The following ITGBL1 variants were observed in gnomAD, a reference collection of about 807,000 sequenced individuals.
ITGBL1 encodes the protein integrin beta-like protein 1.
A neutral mutation model predicts 68.5 loss-of-function variants in ITGBL1; 51 were observed. The ratio of observed to expected loss-of-function variants is 0.74; its 90% CI spans 0.59 to 0.94. The LOEUF is 0.94. ITGBL1 is among the 40% of genes least tolerant of loss of function. ITGBL1 has a pLI of 0.00. For missense variants in ITGBL1, 649 were observed against 647.4 expected, an observed-to-expected ratio of 1.00 and a Z score of -0.03; for synonymous variants, 209 against 227.3, an observed-to-expected ratio of 0.92 and a Z score of 0.72.
intron 7 of ITGBL1, among the ~76,000 whole-genome samples, chr13:101,687,618 T>C (rs963699192): frequency 7.9e-5 from 12 of 152,174 alleles, no homozygotes; most frequent in Admixed American, 6.5e-5. Flanking sequence ...ATAATGAGCT[T>C]TAAAATATAA....
chr13:101,689,767 A>T (rs1232698182), intron 7 of ITGBL1, among the ~76,000 whole-genome samples: 2 of 152,208 alleles, frequency 1.3e-5, no homozygotes, highest in Non-Finnish European at 2.9e-5. Context: ...GGGAGACATG[A>T]GATGTTTTGA....
At chr13:101,492,940 C>T (rs1373725908) in intron 2 of ITGBL1, among the ~76,000 whole-genome samples, 1 of 152,172 alleles carries the variant, frequency 6.6e-6, no homozygotes, top group Non-Finnish European at 1.5e-5. Context: ...CTTCAGGCTG[C>T]CTAAGGATAA....
At chr13:101,637,584 T>C (rs1272531680) in intron 7 of ITGBL1, among the ~76,000 whole-genome samples, 2 of 152,182 alleles carry the variant, frequency 1.3e-5, no homozygotes, top group East Asian at 1.9e-4. Flanking sequence ...ATCTCCTGAT[T>C]CACCCGCCTT....
chr13:101,571,520 T>G (rs758547984), intron 3 of ITGBL1, among the ~76,000 whole-genome samples: 1 of 152,134 alleles, frequency 6.6e-6, no homozygotes, highest in Non-Finnish European at 1.5e-5. Context: ...TATTTTATAA[T>G]GTATAGTACA....
chr13:101,581,357 ATAAAG>A (rs1256387494), intron 5 of ITGBL1, among the ~76,000 whole-genome samples: 4 of 152,268 alleles, frequency 2.6e-5, no homozygotes, highest in Admixed American at 6.5e-5. Context: ...AATCTAGATA[ATAAAG>A]TAGAGTACAC....
chr13:101,575,402 CT>C, intron 3 of ITGBL1, 21 bp from the exon 4 acceptor site: 3 of 1,605,264 alleles, frequency 1.9e-6, no homozygotes, highest in African/African-American at 2.7e-5. Context: ...AACAAACAGT[CT>C]TTTTTGTTTT....
intron 2 of ITGBL1, among the ~76,000 whole-genome samples, chr13:101,553,851 C>T (rs113692816): frequency 2.2e-4 from 34 of 152,064 alleles, no homozygotes; most frequent in African/African-American, 7.7e-4. Flanking sequence ...CTCGGCTCAC[C>T]GCAACATCTG....
At chr13:101,544,205 TG>T (rs2049771625) in intron 2 of ITGBL1, among the ~76,000 whole-genome samples, 1 of 152,182 alleles carries the variant, frequency 6.6e-6, no homozygotes, top group African/African-American at 2.4e-5. Flanking sequence ...TGGTCTTTGA[TG>T]ATGGTGACGT....
intron 2 of ITGBL1, among the ~76,000 whole-genome samples, chr13:101,546,006 T>C (rs1472165936): frequency 6.6e-6 from 1 of 152,158 alleles, no homozygotes; most frequent in African/African-American, 2.4e-5. Context: ...AAGAATGAAA[T>C]ACAGCTACAA....
intron 7 of ITGBL1, among the ~76,000 whole-genome samples, chr13:101,605,272 ATG>A (rs1359103797): frequency 3.3e-5 from 5 of 149,834 alleles, no homozygotes; most frequent in Non-Finnish European, 6.0e-5. Flanking sequence ...AGACATAGGC[ATG>A]TGTGTATATG....
chr13:101,469,458 G>A (rs2048427412), intron 2 of ITGBL1, among the ~76,000 whole-genome samples: 1 of 152,202 alleles, frequency 6.6e-6, no homozygotes, highest in South Asian at 2.1e-4. Context: ...GAGGCAGGTG[G>A]ATCACCTGAG....
At chr13:101,671,527 C>T (rs2033373210) in intron 7 of ITGBL1, among the ~76,000 whole-genome samples, 1 of 146,544 alleles carries the variant, frequency 6.8e-6, no homozygotes, top group African/African-American at 2.5e-5. Context: ...CAAGCTCCGC[C>T]TCCCGGGTTC....
chr13:101,653,858 TTTTTGTTTTTTG>T (rs1347404904), intron 7 of ITGBL1, among the ~76,000 whole-genome samples: 6 of 67,136 alleles, frequency 8.9e-5, no homozygotes, highest in Non-Finnish European at 1.6e-4. Context: ...CCAGCTACTT[TTTTTGTTTTTTG>T]TTTTTTTTTT....
intron 2 of ITGBL1, among the ~76,000 whole-genome samples, chr13:101,483,883 G>A (rs2048663776): frequency 6.6e-6 from 1 of 152,072 alleles, no homozygotes. Context: ...GTATCAATTA[G>A]CTTTTTAAAA....
At chr13:101,493,399 A>T (rs1331619952) in intron 2 of ITGBL1, among the ~76,000 whole-genome samples, 1 of 151,768 alleles carries the variant, frequency 6.6e-6, no homozygotes, top group African/African-American at 2.4e-5. Flanking sequence ...CATGTCATGT[A>T]CTCTTATTAC....
Position 101,715,715 on chromosome 13 carries a change from G to A in ITGBL1, c.*61G>A, listed in dbSNP as rs1427490901. The A allele has an allele frequency of 5.7e-6, 6 of 1,057,600 alleles. No individual in the cohort carries two copies. The highest frequency in any genetic ancestry group is 1.3e-5 in the South Asian group (1 of 79,384). 65.5% of individuals were successfully genotyped at this position (1,057,600 alleles called of 1,614,324 possible). ...CTGGGCCATTAGAACAGATAAATGC[G>A]AAGGAAACCATGTATATTCACCACT... On this transcript the variant is annotated 3_prime_UTR_variant, in exon 11 of 11. Transcript: ENST00000376180.
At chr13:101,566,743 G>T (rs2050189120) in intron 2 of ITGBL1, among the ~76,000 whole-genome samples, 1 of 152,096 alleles carries the variant, frequency 6.6e-6, no homozygotes, top group Non-Finnish European at 1.5e-5. Context: ...AGACATAGTA[G>T]TATTGTCTTG....
intron 7 of ITGBL1, among the ~76,000 whole-genome samples, chr13:101,617,173 T>C (rs2031398698): frequency 1.3e-5 from 2 of 152,156 alleles, no homozygotes; most frequent in Non-Finnish European, 1.5e-5. Context: ...AGTAAATTAG[T>C]AAATTATTCA....
chr13:101,666,506 G>A (rs1275057238), intron 7 of ITGBL1, among the ~76,000 whole-genome samples: 1 of 16,464 alleles, frequency 6.1e-5, no homozygotes, highest in Non-Finnish European at 1.1e-4. Context: ...TATTTGTGAG[G>A]CATGTTTTTT....
Sources: gnomAD v4.1 joint callset for allele counts (sites outside exome capture counted in the v4.1 genomes callset) on GRCh38, gnomAD v4.1.1 for gene constraint, MANE v1.5 for transcripts, NCBI Gene and HGNC (gene_info 2026-07-23, HGNC 2026-07-21) for gene names.